The following GCM1 variants were observed in gnomAD, a reference collection of about 807,000 sequenced individuals.
The protein encoded by GCM1 is GCM transcription factor 1.
GCM1 carries 2 observed loss-of-function variants against 25.7 expected under a neutral mutation model. The ratio of observed to expected loss-of-function variants is 0.08; its 90% CI spans 0.03 to 0.24. The LOEUF is 0.24. Ranked by LOEUF, GCM1 falls within the 10% of genes least tolerant of loss-of-function variation. The pLI is 1.00. For missense variants in GCM1, 395 were observed against 538.7 expected (o/e 0.73, Z 2.64); for synonymous variants, 183 against 195.7 (o/e 0.94, Z 0.54).
intron 1 of GCM1, among the ~76,000 whole-genome samples, chr6:53,148,270 TA>T (rs1218490764): frequency 3.9e-5 from 6 of 152,350 alleles, no homozygotes; most frequent in Non-Finnish European, 8.8e-5. Context: ...TTGTTATAAC[TA>T]ATTGGAATAG....
At chr6:53,139,168 C>T (rs1390412435) in intron 2 of GCM1, among the ~76,000 whole-genome samples, 1 of 151,812 alleles carries the variant, frequency 6.6e-6, no homozygotes, top group East Asian at 1.9e-4. Context: ...GAATATCAAA[C>T]AAACATACTT....
At chr6:53,147,725 G>C (rs115668867) in intron 1 of GCM1, among the ~76,000 whole-genome samples, 1 of 151,924 alleles carries the variant, frequency 6.6e-6, no homozygotes, top group Non-Finnish European at 1.5e-5. Flanking sequence ...CACTGTGCCC[G>C]GCCTGTTCTT....
rs538306683 is a variant in GCM1 at position 53,129,676 on chromosome 6, T to G, written c.571-730A>C. ...CTCAGCACAACTCCCAGGGTCTCTG[T>G]CTCTCAACATTTCCTCCCTTGACTA... On this transcript the variant is annotated intron_variant, in intron 5 of 5. Transcript: ENST00000259803. Among the ~76,000 whole-genome samples the G allele has an allele frequency of 1.9e-3, 292 of 152,340 alleles. 1 individual carries two copies. The highest frequency in any genetic ancestry group is 6.9e-3 in the African/African-American group (285 of 41,578).
At chr6:53,138,785 T>C (rs780914596) in intron 2 of GCM1, among the ~76,000 whole-genome samples, 3 of 152,190 alleles carry the variant, frequency 2.0e-5, no homozygotes, top group Non-Finnish European at 4.4e-5. Flanking sequence ...GGTTAACTGA[T>C]ATTTCTATGA....
rs1581856883 is a variant in GCM1, at chr6:53,145,572, C to T, written c.61G>A (p.Val21Met). The change falls in exon 2 of 6, where the codon GTG becomes ATG. Residue 21 changes from valine (V) to methionine (M), a missense_variant. Val to Met is a conservative substitution (Grantham distance 21). Coordinates refer to ENST00000259803, the MANE Select transcript of GCM1 (RefSeq NM_003643.4). ...CAAGTACATACCTGTGGCAGTTTCA[C>T]ATCATTAATATCCCAGCTTAATATC... ...KEILSWDINDVKLPQNVKKTD... is the reference protein window; with the variant it reads ...KEILSWDINDMKLPQNVKKTD... 4 of 1,568,272 alleles carry T rather than the reference C, an allele frequency of 2.6e-6. No homozygotes were observed. The highest frequency in any genetic ancestry group is 2.7e-5 in the African/African-American group (2 of 74,152).
chr6:53,127,968 G>T lies in GCM1; in HGVS notation c.*238C>A. 3.5e-6 allele frequency: 1 copy of T among 284,488 alleles called. No homozygotes were observed. 17.6% of individuals were successfully genotyped at this position (284,488 alleles called of 1,614,324 possible). On this transcript the variant is annotated 3_prime_UTR_variant, in exon 6 of 6. Coordinates refer to ENST00000259803, the MANE Select transcript of GCM1 (RefSeq NM_003643.4). The stretch of plus-strand genomic sequence containing the variant: ...CACTCAAACCCGGGAGGCAGAGGTT[G>T]CAGTGAGCCGAGATGGCGCCACTGC...
chr6:53,135,200 T>C (rs941864474), intron 2 of GCM1, among the ~76,000 whole-genome samples: 1 of 152,246 alleles, frequency 6.6e-6, no homozygotes, highest in African/African-American at 2.4e-5. Flanking sequence ...GAAAAGGTTC[T>C]AGAGCTCCTT....
Position 53,142,870 on chromosome 6 carries a change from C to CAAAAAAAAAAAA in GCM1, c.75+2676_75+2687dup, listed in dbSNP as rs60718730. ...AAAAGGTAAACAACTCAAGGATCTC[C>CAAAAAAAAAAAA]AAAAAAAAAAAAAAAAAAAAAAAAA... On this transcript the variant is annotated intron_variant, in intron 2 of 5. Transcript: ENST00000259803. Among the ~76,000 whole-genome samples the CAAAAAAAAAAAA allele has an allele frequency of 4.8e-4, 18 of 37,528 alleles. 1 individual carries two copies. Among genetic ancestry groups the CAAAAAAAAAAAA allele is most frequent in the South Asian group, 1.3e-3 (1 of 782 alleles). The allele number at this position is 37,528 out of a possible 152,430, so 24.6% of individuals were successfully genotyped here. A position where few individuals can be genotyped will look rare whatever the true frequency, so the allele number is the denominator to read the frequency against.
chr6:53,128,028 C>CAAAAAAAAAAAAAAA lies in GCM1; in HGVS notation c.*163_*177dup, dbSNP rs1223691364. On this transcript the variant is annotated 3_prime_UTR_variant, in exon 6 of 6. Transcript: ENST00000259803. Reference sequence around the variant, plus strand: ...TGGGCAAAAGAGCAAGACTCTGTCTCAAAAAAAAAAAAAAAAAAAAAAAAA... The same window carrying CAAAAAAAAAAAAAAA: ...TGGGCAAAAGAGCAAGACTCTGTCTCAAAAAAAAAAAAAAAAAAAAAAAAAAAAAAAAAAAAAAAA... The CAAAAAAAAAAAAAAA allele has an allele frequency of 1.3e-3, 84 of 66,424 alleles. 2 individuals carry two copies. Among genetic ancestry groups the CAAAAAAAAAAAAAAA allele is most frequent in the East Asian group, 2.1e-3 (5 of 2,332 alleles). The allele number at this position is 66,424 out of a possible 1,614,324, so 4.1% of individuals were successfully genotyped here. A position where few individuals can be genotyped will look rare whatever the true frequency, so the allele number is the denominator to read the frequency against.
chr6:53,136,758 T>C (rs554302989), intron 2 of GCM1, among the ~76,000 whole-genome samples: 2 of 152,250 alleles, frequency 1.3e-5, no homozygotes, highest in South Asian at 2.1e-4. Flanking sequence ...GTGGATCACC[T>C]GAGGTCAGGA....
intron 1 of GCM1, among the ~76,000 whole-genome samples, chr6:53,147,057 GAATAAATAAATAAATGAATGAATA>G (rs1763968351): frequency 6.6e-6 from 1 of 151,836 alleles, no homozygotes; most frequent in Non-Finnish European, 1.5e-5. Context: ...ATGAATGAAT[GAATAAATAAATAAATGAATGAATA>G]AATAAAAGTT....
rs1763911309 is a variant in GCM1 at position 53,143,685 on chromosome 6, A to C, written c.75+1873T>G. Among the ~76,000 whole-genome samples, 3 of 152,172 alleles carry C rather than the reference A, an allele frequency of 2.0e-5. No individual in the cohort carries two copies. The South Asian group carries it at 6.2e-4, about 32-fold the overall frequency. ...ATACTAATTAAGAGCAACAACAAAC[A>C]CAAATCCCTAAAATCGATATTTGCA... On this transcript the variant is annotated intron_variant, in intron 2 of 5. Transcript: ENST00000259803.
At chr6:53,139,267 T>C (rs1763841445) in intron 2 of GCM1, among the ~76,000 whole-genome samples, 1 of 152,114 alleles carries the variant, frequency 6.6e-6, no homozygotes, top group Non-Finnish European at 1.5e-5. Flanking sequence ...TACATACAAC[T>C]TTTCAGGAAC....
intron 2 of GCM1, among the ~76,000 whole-genome samples, chr6:53,141,192 A>G (rs542615945): frequency 5.6e-4 from 86 of 152,292 alleles, no homozygotes; most frequent in Non-Finnish European, 1.1e-3. Context: ...AGAAGTTAAC[A>G]TAGCTTAATG....
intron 1 of GCM1, among the ~76,000 whole-genome samples, chr6:53,147,670 C>T (rs1418209950): frequency 2.0e-5 from 3 of 151,970 alleles, no homozygotes; most frequent in Non-Finnish European, 4.4e-5. Context: ...CTCAGGTGAT[C>T]CATACGTCTC....
rs2127512097 is a variant in GCM1, at chr6:53,148,831, GGTCA to G, written c.-218_-215del. On this transcript the variant is annotated 5_prime_UTR_variant, in exon 1 of 6. An upstream start codon of the reference 5' UTR is lost. Coordinates refer to ENST00000259803, the MANE Select transcript of GCM1 (RefSeq NM_003643.4). ...GCTGGTTCAAGTCCCAGCAGGCTCT[GGTCA>G]TTTTCTGAGCAGACGCTGTTCCCTA... The G allele has an allele frequency of 6.6e-6, 1 of 152,270 alleles. No homozygotes were observed. Among genetic ancestry groups the G allele is most frequent in the African/African-American group, 2.4e-5 (1 of 41,568 alleles). 9.4% of individuals were successfully genotyped at this position (152,270 alleles called of 1,614,324 possible). A position where few individuals can be genotyped will look rare whatever the true frequency, so the allele number is the denominator to read the frequency against.
intron 5 of GCM1, among the ~76,000 whole-genome samples, 195 bp downstream of exon 5, chr6:53,130,608 C>A (rs1036649953): frequency 5.3e-5 from 8 of 152,196 alleles, no homozygotes; most frequent in Non-Finnish European, 8.8e-5. Context: ...TGGTTCCCAG[C>A]ATGCTACAAA....
At chr6:53,130,596 T>C (rs1763709433) in intron 5 of GCM1, among the ~76,000 whole-genome samples, 1 of 152,248 alleles carries the variant, frequency 6.6e-6, no homozygotes, top group Non-Finnish European at 1.5e-5. Context: ...ACATGGACTT[T>C]ATGGTTCCCA....
At chr6:53,146,970 G>T (rs563536942) in intron 1 of GCM1, among the ~76,000 whole-genome samples, 1 of 152,222 alleles carries the variant, frequency 6.6e-6, no homozygotes, top group Admixed American at 6.5e-5. Context: ...GGAGGTTGAG[G>T]CTGCAGTGAG....
Sources: gnomAD v4.1 joint callset for allele counts (sites outside exome capture counted in the v4.1 genomes callset) on GRCh38, gnomAD v4.1.1 for gene constraint, MANE v1.5 for transcripts, NCBI Gene and HGNC (gene_info 2026-07-23, HGNC 2026-07-21) for gene names.